NAV2: variants seen among roughly 807,000 people sequenced by gnomAD.
The protein encoded by NAV2 is helicase, APC down-regulated 1.
Under a neutral mutation model 223.2 loss-of-function variants are expected in NAV2, and 54 were observed. That is an observed-to-expected ratio of 0.24 (90% CI 0.19 to 0.30). The LOEUF is 0.30. Among genes scored for constraint, NAV2 ranks in the 10% least tolerant of loss-of-function variants. NAV2 has a pLI of 1.00. For missense variants in NAV2, 2,806 were observed against 3,147.5 expected, an observed-to-expected ratio of 0.89 and a Z score of 2.60; for synonymous variants, 1,279 against 1,239.3, an observed-to-expected ratio of 1.03 and a Z score of -0.67.
intron 1 of NAV2, among the ~76,000 whole-genome samples, chr11:19,378,926 T>G (rs1246206971): frequency 6.6e-6 from 1 of 152,118 alleles, no homozygotes; most frequent in Non-Finnish European, 1.5e-5. Context: ...TGTGGAGAAA[T>G]TAAGTGTGTC....
chr11:19,754,862 G>T (rs1344908875), intron 1 of NAV2, among the ~76,000 whole-genome samples: 1 of 152,254 alleles, frequency 6.6e-6, no homozygotes, highest in African/African-American at 2.4e-5. Flanking sequence ...ACTCCCCTTA[G>T]CCTACCGTGG....
intron 1 of NAV2, among the ~76,000 whole-genome samples, chr11:19,676,876 G>T (rs1390816323): frequency 6.6e-6 from 1 of 152,176 alleles, no homozygotes; most frequent in African/African-American, 2.4e-5. Flanking sequence ...GTAGCATTTG[G>T]TTGGGTCTGG....
intron 1 of NAV2, among the ~76,000 whole-genome samples, chr11:19,823,335 G>A (rs2059476393): frequency 1.3e-5 from 2 of 152,134 alleles, no homozygotes; most frequent in African/African-American, 4.8e-5. Context: ...AGCCTCCCAA[G>A]TAGCTGGGAT....
At chr11:19,360,148 T>G (rs1853849115) in intron 1 of NAV2, among the ~76,000 whole-genome samples, 1 of 152,214 alleles carries the variant, frequency 6.6e-6, no homozygotes. Flanking sequence ...ATCTCAGCCT[T>G]GGCCCCCATC....
intron 6 of NAV2, among the ~76,000 whole-genome samples, chr11:19,899,895 AGT>A (rs1288959153): frequency 6.6e-6 from 1 of 152,156 alleles, no homozygotes; most frequent in East Asian, 1.9e-4. Context: ...GGGCTTGTAG[AGT>A]GTAAACTTCT....
chr11:19,904,937 A>C (rs1355585631), intron 6 of NAV2, among the ~76,000 whole-genome samples: 3 of 152,168 alleles, frequency 2.0e-5, no homozygotes, highest in African/African-American at 7.2e-5. Context: ...TACCCCAGGC[A>C]AGGGTAAAGT....
intron 1 of NAV2, among the ~76,000 whole-genome samples, chr11:19,725,364 GAAGA>G (rs2051150517): frequency 2.6e-5 from 4 of 152,330 alleles, no homozygotes; most frequent in South Asian, 4.1e-4. Context: ...TGAGGGTGGG[GAAGA>G]GAGACACATG....
chr11:20,077,163 G>A (rs2059808935), intron 22 of NAV2, among the ~76,000 whole-genome samples: 1 of 152,140 alleles, frequency 6.6e-6, no homozygotes, highest in Non-Finnish European at 1.5e-5. Context: ...TTTTAACTAT[G>A]ATATCTCAAA....
chr11:19,366,072 C>T (rs957107434), intron 1 of NAV2, among the ~76,000 whole-genome samples: 1 of 152,128 alleles, frequency 6.6e-6, no homozygotes, highest in African/African-American at 2.4e-5. Flanking sequence ...TGTCAGTAAC[C>T]CAAATTATCT....
intron 1 of NAV2, among the ~76,000 whole-genome samples, chr11:19,471,377 C>G (rs2041960373): frequency 6.6e-6 from 1 of 152,166 alleles, no homozygotes; most frequent in Admixed American, 6.5e-5. Context: ...AGCACATACT[C>G]AGTGCCCAAC....
intron 1 of NAV2, among the ~76,000 whole-genome samples, chr11:19,659,187 G>A (rs1425369182): frequency 6.6e-6 from 1 of 152,198 alleles, no homozygotes; most frequent in Non-Finnish European, 1.5e-5. Context: ...TAAGGAAGGT[G>A]ACTGTAAAGC....
intron 22 of NAV2, among the ~76,000 whole-genome samples, chr11:20,073,091 T>C (rs1036887534): frequency 6.6e-6 from 1 of 152,206 alleles, no homozygotes; most frequent in Non-Finnish European, 1.5e-5. Flanking sequence ...ATAGCTCTTA[T>C]TATTTTGAGA....
rs572039828 is a variant in NAV2, at chr11:19,811,662, G to T, written c.268-20822G>T. On this transcript the variant is annotated intron_variant, in intron 1 of 37. Coordinates refer to ENST00000349880, the MANE Select transcript of NAV2 (RefSeq NM_145117.5). ...GAAGAGTTGCTCTTAGTGGCTGGCA[G>T]TTTCTGGCATGACAGAAAGCTTTCC... Among the ~76,000 whole-genome samples, 12 of 152,284 alleles carry T rather than the reference G, an allele frequency of 7.9e-5. No individual in the cohort carries two copies. In the South Asian group the frequency reaches 1.5e-3, roughly 18 times the overall value.
intron 1 of NAV2, among the ~76,000 whole-genome samples, chr11:19,749,883 G>C (rs184091485): frequency 1.3e-5 from 2 of 152,372 alleles, no homozygotes; most frequent in East Asian, 3.9e-4. Context: ...CCTGCCTCAC[G>C]TCTATGGCTT....
intron 1 of NAV2, among the ~76,000 whole-genome samples, chr11:19,441,745 C>T (rs1000397675): frequency 7.9e-5 from 12 of 152,210 alleles, no homozygotes; most frequent in Middle Eastern, 3.4e-3. Flanking sequence ...GACAATTTAT[C>T]GGAGCCCATT....
intron 10 of NAV2, among the ~76,000 whole-genome samples, chr11:19,956,594 A>G (rs943145690): frequency 1.2e-4 from 19 of 152,154 alleles, no homozygotes; most frequent in African/African-American, 4.6e-4. Context: ...GCATATGGTA[A>G]AGGATACAGT....
chr11:20,001,085 TC>T (rs1591609100), intron 11 of NAV2, among the ~76,000 whole-genome samples: 1 of 152,192 alleles, frequency 6.6e-6, no homozygotes, highest in East Asian at 1.9e-4. Flanking sequence ...ACCCGCCTCG[TC>T]CCCAACATCT....
intron 1 of NAV2, among the ~76,000 whole-genome samples, chr11:19,520,412 C>T (rs1473490496): frequency 6.6e-6 from 1 of 152,248 alleles, no homozygotes; most frequent in African/African-American, 2.4e-5. Context: ...GCAAAATCCG[C>T]CCCGTGGCCT....
In NAV2 at chr11:19,927,188, T is replaced by G. The variant is rs140076086; in HGVS notation, c.932-5988T>G. Among the ~76,000 whole-genome samples, 7 of 152,364 alleles carry G rather than the reference T, an allele frequency of 4.6e-5. No individual in the cohort carries two copies. In the East Asian group the frequency reaches 1.2e-3, roughly 25 times the overall value. Reference sequence around the variant, plus strand: ...GTGTTTCAAATGAAACTTTTCCTTCTTACAGTGGTTTGTCAGTTGGTGGTG... The same window carrying G: ...GTGTTTCAAATGAAACTTTTCCTTCGTACAGTGGTTTGTCAGTTGGTGGTG... On this transcript the variant is annotated intron_variant, in intron 6 of 37. Coordinates refer to ENST00000349880, the MANE Select transcript of NAV2 (RefSeq NM_145117.5).
Sources: allele counts gnomAD v4.1 joint callset (sites outside exome capture counted in the v4.1 genomes callset), GRCh38; gene constraint gnomAD v4.1.1; transcripts MANE v1.5; gene names NCBI Gene and HGNC (gene_info 2026-07-23, HGNC 2026-07-21).